Variants in ZNF569 observed in about 807,000 individuals in gnomAD.
ZNF569 encodes the protein DNA-binding protein.
ZNF569 carries 38 observed loss-of-function variants against 56.3 expected under a neutral mutation model. The observed-to-expected ratio is 0.68, with a 90% CI of 0.52 to 0.88. The LOEUF (loss-of-function observed/expected upper bound fraction) is 0.88, where lower values mean the gene tolerates loss of function less well. ZNF569 is among the 40% of genes least tolerant of loss of function. ZNF569 has a pLI of 0.00. For missense variants in ZNF569, 666 were observed against 809.2 expected (o/e 0.82, Z 2.15); for synonymous variants, 241 against 262.9 (o/e 0.92, Z 0.81).
At chr19:37,452,415 G>C (rs2041609688) in intron 2 of ZNF569, among the ~76,000 whole-genome samples, 2 of 151,912 alleles carry the variant, frequency 1.3e-5, no homozygotes, top group Non-Finnish European at 2.9e-5. Context: ...TTTCTATACT[G>C]TCTTTTTGCT....
At position 37,467,355 on chromosome 19, in the gene ZNF569, T is replaced by C. The variant is rs2041862809; in HGVS notation, c.-476A>G. On this transcript the variant is annotated 5_prime_UTR_variant, in exon 1 of 6. Transcript: ENST00000316950. ...GCGCAGGGGAGCTCAGCCTAGGTTT[T>C]GCACGAGCGGCCTCCCGCGAGCCCA... 6.4e-6 allele frequency: 1 copy of C among 156,184 alleles called. No homozygotes were observed. Among genetic ancestry groups the C allele is most frequent in the Admixed American group, 6.4e-5 (1 of 15,748 alleles). The allele number at this position is 156,184 out of a possible 1,614,324, so 9.7% of individuals were successfully genotyped here. A position where few individuals can be genotyped will look rare whatever the true frequency, so the allele number is the denominator to read the frequency against.
At position 37,437,091 on chromosome 19, in the gene ZNF569, T is replaced by C. The variant is rs149136840; in HGVS notation, c.15+7816A>G. Among the ~76,000 whole-genome samples, 1,067 of 149,926 alleles carry C rather than the reference T, an allele frequency of 7.1e-3. 15 individuals carry two copies. The highest frequency in any genetic ancestry group is 0.024 in the African/African-American group (993 of 40,900). On this transcript the variant is annotated intron_variant, in intron 3 of 5. Transcript: ENST00000316950. ...GATGCAAAAATCCTCAACAAAATAC[T>C]AGCAAACTGATTTCAGCAACACATT...
chr19:37,465,674 A>G (rs1329494325), intron 1 of ZNF569, among the ~76,000 whole-genome samples: 2 of 152,240 alleles, frequency 1.3e-5, no homozygotes, highest in Non-Finnish European at 2.9e-5. Context: ...GCAGTCTTAT[A>G]CTATGCCAAT....
chr19:37,423,267 A>T (rs1461617977), intron 5 of ZNF569, among the ~76,000 whole-genome samples: 1 of 152,220 alleles, frequency 6.6e-6, no homozygotes. Context: ...GTTGTCAAGG[A>T]AACTTCCCTC....
intron 5 of ZNF569, among the ~76,000 whole-genome samples, chr19:37,423,919 T>C (rs2041079989): frequency 6.6e-6 from 1 of 152,112 alleles, no homozygotes; most frequent in Non-Finnish European, 1.5e-5. Context: ...ATATAAATTA[T>C]TACAGTCTCT....
intron 3 of ZNF569, among the ~76,000 whole-genome samples, chr19:37,437,635 C>T (rs2041333251): frequency 6.6e-6 from 1 of 152,086 alleles, no homozygotes; most frequent in Non-Finnish European, 1.5e-5. Context: ...AGTAAAGTTG[C>T]AGGATACAAA....
At chr19:37,428,301 C>T (rs1387327746) in intron 3 of ZNF569, among the ~76,000 whole-genome samples, 1 of 152,024 alleles carries the variant, frequency 6.6e-6, no homozygotes, top group Admixed American at 6.6e-5. Flanking sequence ...GAGGCTAGTT[C>T]AAGGCCAGTC....
intron 2 of ZNF569, among the ~76,000 whole-genome samples, chr19:37,451,565 A>G (rs2041594592): frequency 6.6e-6 from 1 of 151,898 alleles, no homozygotes; most frequent in Non-Finnish European, 1.5e-5. Context: ...ATTGCTGTAT[A>G]TTTCTCCCTT....
intron 2 of ZNF569, among the ~76,000 whole-genome samples, chr19:37,461,175 TAATGAC>T: frequency 6.6e-6 from 1 of 152,286 alleles, no homozygotes; most frequent in Non-Finnish European, 1.5e-5. Flanking sequence ...GTAAACGAAG[TAATGAC>T]AGAATTAGAA....
chr19:37,439,196 G>A (rs1055041694), intron 3 of ZNF569, among the ~76,000 whole-genome samples: 3 of 152,160 alleles, frequency 2.0e-5, no homozygotes, highest in African/African-American at 7.2e-5. Flanking sequence ...TCAGCCTCCT[G>A]AGTAGCTGGG....
At chr19:37,430,806 G>T (rs895569738) in intron 3 of ZNF569, among the ~76,000 whole-genome samples, 1 of 152,226 alleles carries the variant, frequency 6.6e-6, no homozygotes, top group African/African-American at 2.4e-5. Context: ...ATTGCTGATC[G>T]TGAATTGCTA....
chr19:37,427,675 C>A, intron 3 of ZNF569: 1 of 407,198 alleles, frequency 2.5e-6, no homozygotes, highest in Non-Finnish European at 5.0e-6. Flanking sequence ...GAGATCAGCT[C>A]CTGAAAGCCC....
chr19:37,451,757 G>C (rs1248710560), intron 2 of ZNF569, among the ~76,000 whole-genome samples: 2 of 152,102 alleles, frequency 1.3e-5, no homozygotes, highest in Non-Finnish European at 2.9e-5. Flanking sequence ...CTACCCCGCT[G>C]TCTTTTGGTT....
At chr19:37,440,070 G>C (rs569995664) in intron 3 of ZNF569, among the ~76,000 whole-genome samples, 1 of 152,196 alleles carries the variant, frequency 6.6e-6, no homozygotes, top group South Asian at 2.1e-4. Context: ...GTAACACAAA[G>C]GATAAATGCT....
At chr19:37,433,601 A>T (rs1444447774) in intron 3 of ZNF569, among the ~76,000 whole-genome samples, 1 of 152,218 alleles carries the variant, frequency 6.6e-6, no homozygotes, top group Non-Finnish European at 1.5e-5. Flanking sequence ...CCATTTAAAC[A>T]CAGCAAGAGA....
chr19:37,416,520 A>G (rs2040935883), intron 5 of ZNF569, among the ~76,000 whole-genome samples: 1 of 152,192 alleles, frequency 6.6e-6, no homozygotes, highest in Non-Finnish European at 1.5e-5. Flanking sequence ...TAAAATGATA[A>G]AAGTATTTTC....
chr19:37,442,917 T>C (rs562576647), intron 3 of ZNF569, among the ~76,000 whole-genome samples: 4 of 152,314 alleles, frequency 2.6e-5, no homozygotes, highest in East Asian at 1.9e-4. Flanking sequence ...CTAGGAAGTA[T>C]AGAAAAGGTA....
At chr19:37,468,076 T>C (rs2041879605), upstream of ZNF569, 3 of 733,308 alleles carry the variant, frequency 4.1e-6, no homozygotes, top group Non-Finnish European at 4.4e-6. Context: ...TTCGTGTTTT[T>C]TTTTTTTTGT....
At position 37,454,984 on chromosome 19, in the gene ZNF569, T is replaced by C. The variant is rs2041650608; in HGVS notation, c.-43-10020A>G. On this transcript the variant is annotated intron_variant, in intron 2 of 5. Coordinates refer to ENST00000316950, the MANE Select transcript of ZNF569 (RefSeq NM_152484.3). ...GAAGGGTCCTAGAAAAATTATTTTG[T>C]AGTTTGTCCATTTCCTTGTTGTACG... The C allele has an allele frequency of 3.1e-5, 20 of 635,300 alleles. No individual in the cohort carries two copies. In the East Asian group the frequency reaches 5.6e-4, roughly 18 times the overall value. 39.4% of individuals were successfully genotyped at this position (635,300 alleles called of 1,614,324 possible).
Sources: allele counts gnomAD v4.1 joint callset (sites outside exome capture counted in the v4.1 genomes callset), GRCh38; gene constraint gnomAD v4.1.1; transcripts MANE v1.5; gene names NCBI Gene and HGNC (gene_info 2026-07-23, HGNC 2026-07-21).